The following QRICH1 variants were observed in gnomAD, a reference collection of about 807,000 sequenced individuals.
QRICH1 encodes the protein transcriptional regulator QRICH1.
A neutral mutation model predicts 87.1 loss-of-function variants in QRICH1; 16 were observed. The observed-to-expected ratio is 0.18, with a 90% CI of 0.12 to 0.28. QRICH1 has a LOEUF of 0.28. Among genes scored for constraint, QRICH1 ranks in the 10% least tolerant of loss-of-function variants. The pLI, the probability that QRICH1 is intolerant of heterozygous loss-of-function variation, is 1.00. For synonymous variants in QRICH1, 367 were observed against 368.4 expected (o/e 1.00, Z 0.05); for missense variants, 647 against 951.7 (o/e 0.68, Z 4.21).
intron 2 of QRICH1, among the ~76,000 whole-genome samples, chr3:49,062,372 C>T (rs1226306872): frequency 8.5e-4 from 106 of 124,210 alleles, no homozygotes; most frequent in Non-Finnish European, 1.5e-3. Context: ...GGTGTAGTCG[C>T]TTTTTTTTTT....
At chr3:49,083,231 G>C (rs1299078339) in intron 1 of QRICH1, 2 of 144,692 alleles carry the variant, frequency 1.4e-5, no homozygotes, top group African/African-American at 2.5e-5. Context: ...GGGGGGGGGG[G>C]AGCCTGGGAT....
At chr3:49,054,100 C>T (rs2093387438) in intron 3 of QRICH1, among the ~76,000 whole-genome samples, 1 of 152,138 alleles carries the variant, frequency 6.6e-6, no homozygotes, top group Non-Finnish European at 1.5e-5. Flanking sequence ...GTAAATCACT[C>T]TAAGACTTTC....
intron 3 of QRICH1, among the ~76,000 whole-genome samples, chr3:49,049,646 T>C (rs1394757521): frequency 1.3e-5 from 2 of 151,674 alleles, no homozygotes; most frequent in East Asian, 4.0e-4. Flanking sequence ...TACAGGTGTC[T>C]GCCATCATGC....
chr3:49,093,809 C>T (rs2042327358), intron 1 of QRICH1, 103 bp downstream of exon 1: 1 of 368,980 alleles, frequency 2.7e-6, no homozygotes, highest in Non-Finnish European at 4.8e-6. Flanking sequence ...CTCCAGGGCC[C>T]AGCGGTAGTG....
intron 6 of QRICH1, among the ~76,000 whole-genome samples, chr3:49,036,766 AAG>A (rs1435129762): frequency 6.6e-6 from 1 of 152,082 alleles, no homozygotes; most frequent in Non-Finnish European, 1.5e-5. Flanking sequence ...CAAAGAGTTA[AAG>A]AGGGAAAGTT....
intron 1 of QRICH1, among the ~76,000 whole-genome samples, chr3:49,089,205 G>A (rs906659403): frequency 2.0e-5 from 3 of 151,700 alleles, no homozygotes; most frequent in East Asian, 3.9e-4. Flanking sequence ...GATTACAGGC[G>A]CCCATCACCA....
At chr3:49,032,910 C>A in intron 7 of QRICH1, 137 bp from the exon 8 acceptor site, 3 of 1,133,342 alleles carry the variant, frequency 2.6e-6, no homozygotes, top group Non-Finnish European at 3.7e-6. Context: ...CAAGCAGTGT[C>A]CAGTGCAGGA....
rs540671814 is a variant in QRICH1, at chr3:49,093,925, T to TGCC, written c.-38_-36dup. On this transcript the variant is annotated 5_prime_UTR_variant, in exon 1 of 10. Coordinates refer to ENST00000395443, the MANE Select transcript of QRICH1 (RefSeq NM_198880.3). ...TGGAGCCCTCACCCGGCGACGTCAC[T>TGCC]GCCGCCGCCGCCGCCGCCTCCGCTG... 3.3e-3 allele frequency: 789 copies of TGCC among 242,426 alleles called. 4 individuals are homozygous for TGCC. The highest frequency in any genetic ancestry group is 0.015 in the African/African-American group (606 of 41,704). The allele number at this position is 242,426 out of a possible 1,614,324, so 15.0% of individuals were successfully genotyped here.
At chr3:49,044,754 T>C (rs900798376) in intron 5 of QRICH1, among the ~76,000 whole-genome samples, 2 of 152,126 alleles carry the variant, frequency 1.3e-5, no homozygotes, top group African/African-American at 4.8e-5. Context: ...AGGCATTATT[T>C]TGTGTTAGCA....
intron 6 of QRICH1, among the ~76,000 whole-genome samples, chr3:49,034,946 C>T (rs989540434): frequency 6.6e-6 from 1 of 152,140 alleles, no homozygotes; most frequent in African/African-American, 2.4e-5. Flanking sequence ...ACATTCTGCC[C>T]GATACACTCC....
At chr3:49,065,720 G>T (rs941382642) in intron 2 of QRICH1, among the ~76,000 whole-genome samples, 5 of 150,142 alleles carry the variant, frequency 3.3e-5, no homozygotes, top group South Asian at 2.1e-4. Flanking sequence ...TCCCTCTGTC[G>T]TCCAGGCTGG....
intron 1 of QRICH1, among the ~76,000 whole-genome samples, chr3:49,077,772 A>G (rs916334979): frequency 1.3e-5 from 2 of 152,204 alleles, no homozygotes; most frequent in Non-Finnish European, 2.9e-5. Flanking sequence ...AGGATTAAAT[A>G]AGGCATTTAG....
chr3:49,046,583 C>T lies in QRICH1; in HGVS notation c.1517-4G>A. 6.2e-7 allele frequency: 1 copy of T among 1,612,422 alleles called. No homozygotes were observed. The highest frequency in any genetic ancestry group is 2.2e-5 in the East Asian group (1 of 44,874). ...TGGAATCGCAGCAGTTGGCGCCCTG[C>T]AACGGAAGCCTCAAAAATGAATGAA... On this transcript the variant is annotated splice_polypyrimidine_tract_variant and splice_region_variant and intron_variant, in intron 4 of 9. Transcript: ENST00000395443.
intron 3 of QRICH1, 144 bp downstream of exon 3, chr3:49,056,718 C>G (rs774196822): frequency 1.5e-6 from 2 of 1,371,736 alleles, no homozygotes; most frequent in Non-Finnish European, 2.0e-6. Context: ...CGTGATGTTT[C>G]TCCCCCTCTT....
chr3:49,081,700 C>T (rs2042063889), intron 1 of QRICH1, among the ~76,000 whole-genome samples: 1 of 152,176 alleles, frequency 6.6e-6, no homozygotes, highest in African/African-American at 2.4e-5. Flanking sequence ...AGGGTTTTGC[C>T]ATGTTGCCCA....
At chr3:49,093,717 A>G in intron 1 of QRICH1, 195 bp downstream of exon 1, 1 of 260,208 alleles carries the variant, frequency 3.8e-6, no homozygotes, top group East Asian at 6.7e-5. Context: ...GCCCACCCAA[A>G]TCCCCGGGCC....
chr3:49,080,099 CTAATCACATAT>C (rs905710806), intron 1 of QRICH1, among the ~76,000 whole-genome samples: 1 of 151,424 alleles, frequency 6.6e-6, no homozygotes, highest in Non-Finnish European at 1.5e-5. Flanking sequence ...ACTCTAATAT[CTAATCACATAT>C]ACCCTTCTGC....
At chr3:49,054,329 C>G (rs2093388559) in intron 3 of QRICH1, among the ~76,000 whole-genome samples, 1 of 152,172 alleles carries the variant, frequency 6.6e-6, no homozygotes, top group African/African-American at 2.4e-5. Flanking sequence ...AGACCTGTTA[C>G]AAATCTACTG....
chr3:49,058,071 C>A, intron 2 of QRICH1, 181 bp from the exon 3 acceptor site: 1 of 1,075,050 alleles, frequency 9.3e-7, no homozygotes, highest in East Asian at 2.6e-5. Flanking sequence ...TCCAGCAGCA[C>A]ATTACAATAA....
Sources: allele counts gnomAD v4.1 joint callset (sites outside exome capture counted in the v4.1 genomes callset), GRCh38; gene constraint gnomAD v4.1.1; transcripts MANE v1.5; gene names NCBI Gene and HGNC (gene_info 2026-07-23, HGNC 2026-07-21).